Variants in JMJD1C observed in about 807,000 individuals in gnomAD.
JMJD1C encodes the protein jumonji domain containing 1C, also known as jumonji domain-containing protein 1C.
Under a neutral mutation model 245.3 loss-of-function variants are expected in JMJD1C, and 31 were observed. The ratio of observed to expected loss-of-function variants is 0.13; its 90% confidence interval spans 0.09 to 0.17. The LOEUF (loss-of-function observed/expected upper bound fraction) is 0.17. JMJD1C is among the 10% of genes least tolerant of loss of function. JMJD1C has a pLI of 1.00. For missense variants in JMJD1C, 2,691 were observed against 3,000.2 expected (o/e 0.90, Z 2.41); for synonymous variants, 1,057 against 1,017.4 (o/e 1.04, Z -0.74).
chr10:63,251,178 A>G (rs1033224958), intron 3 of JMJD1C, among the ~76,000 whole-genome samples: 1 of 152,232 alleles, frequency 6.6e-6, no homozygotes, highest in Non-Finnish European at 1.5e-5. Context: ...CATCCTTGTT[A>G]TACAGAATTC....
At chr10:63,227,456 A>T (rs943066979) in intron 3 of JMJD1C, among the ~76,000 whole-genome samples, 5 of 152,350 alleles carry the variant, frequency 3.3e-5, no homozygotes, top group South Asian at 4.1e-4. Flanking sequence ...GTCTCAACTG[A>T]TGTCTAGAGT....
chr10:63,502,688 C>G (rs1954598423), intron 1 of JMJD1C, among the ~76,000 whole-genome samples: 1 of 149,504 alleles, frequency 6.7e-6, no homozygotes, highest in Non-Finnish European at 1.5e-5. Context: ...TTCAACTCTC[C>G]TTCCACCCAC....
intron 2 of JMJD1C, among the ~76,000 whole-genome samples, chr10:63,278,454 G>A (rs1207445223): frequency 1.3e-5 from 2 of 151,688 alleles, no homozygotes; most frequent in Admixed American, 6.6e-5. Flanking sequence ...AACCCAGGAG[G>A]CAAAGGCTGC....
At chr10:63,359,726 A>C (rs1945163427) in intron 2 of JMJD1C, among the ~76,000 whole-genome samples, 1 of 152,188 alleles carries the variant, frequency 6.6e-6, no homozygotes, top group Admixed American at 6.5e-5. Flanking sequence ...CAGAGTTACT[A>C]ATGTCACAGA....
intron 2 of JMJD1C, among the ~76,000 whole-genome samples, chr10:63,342,148 G>A (rs1043507596): frequency 1.3e-5 from 2 of 152,234 alleles, no homozygotes; most frequent in Admixed American, 6.5e-5. Flanking sequence ...CTTTGACACT[G>A]ATAATGATAT....
chr10:63,478,153 G>A (rs951009889), intron 1 of JMJD1C, among the ~76,000 whole-genome samples: 11 of 151,920 alleles, frequency 7.2e-5, no homozygotes, highest in African/African-American at 2.7e-4. Flanking sequence ...ACCCAGTAAA[G>A]GAAGATGAGG....
chr10:63,517,323 A>C (rs4745729), intron 1 of JMJD1C, among the ~76,000 whole-genome samples: 1 of 152,140 alleles, frequency 6.6e-6, no homozygotes. Flanking sequence ...ATCTCCTAGG[A>C]AAACTAATAT....
At chr10:63,315,502 C>T (rs1271294377) in intron 2 of JMJD1C, among the ~76,000 whole-genome samples, 1 of 152,088 alleles carries the variant, frequency 6.6e-6, no homozygotes, top group Non-Finnish European at 1.5e-5. Context: ...TTTTTATTTG[C>T]CTGGAAGTTT....
intron 2 of JMJD1C, among the ~76,000 whole-genome samples, chr10:63,316,613 A>T (rs185656250): frequency 6.6e-6 from 1 of 151,974 alleles, no homozygotes; most frequent in Non-Finnish European, 1.5e-5. Flanking sequence ...ATGCCCAGTT[A>T]ATTTTTTTAT....
chr10:63,460,707 T>G (rs1025158143), intron 1 of JMJD1C, among the ~76,000 whole-genome samples: 1 of 152,186 alleles, frequency 6.6e-6, no homozygotes, highest in Non-Finnish European at 1.5e-5. Flanking sequence ...TGTATATAAT[T>G]TGAAATTGTC....
intron 1 of JMJD1C, among the ~76,000 whole-genome samples, chr10:63,497,017 T>C (rs938908014): frequency 6.6e-6 from 1 of 152,228 alleles, no homozygotes; most frequent in Non-Finnish European, 1.5e-5. Flanking sequence ...TTTGTTATTG[T>C]ACATGTTATC....
chr10:63,218,775 GCAA>G (rs1848273499), intron 4 of JMJD1C, among the ~76,000 whole-genome samples: 1 of 152,118 alleles, frequency 6.6e-6, no homozygotes, highest in African/African-American at 2.4e-5. Context: ...GAAAAAAAGA[GCAA>G]CAATGGGGAT....
At chr10:63,186,159 AT>A (rs1844105054) in intron 19 of JMJD1C, 55 bp downstream of exon 19, 2 of 1,302,234 alleles carry the variant, frequency 1.5e-6, no homozygotes, top group African/African-American at 3.0e-5. Flanking sequence ...TACATTTGGA[AT>A]TTATCATTTT....
intron 3 of JMJD1C, among the ~76,000 whole-genome samples, chr10:63,251,638 C>G (rs1564684894): frequency 6.6e-6 from 1 of 152,184 alleles, no homozygotes; most frequent in South Asian, 2.1e-4. Flanking sequence ...TATAACCATT[C>G]AGAAAGGAAA....
At chr10:63,184,840 C>CTTATGGAAAGGTAGT in intron 20 of JMJD1C, 102 bp from the exon 21 acceptor site, 4 of 1,070,558 alleles carry the variant, frequency 3.7e-6, no homozygotes, top group Non-Finnish European at 5.3e-6. Flanking sequence ...GACTACCTTT[C>CTTATGGAAAGGTAGT]CATAAGACAG....
chr10:63,262,345 A>G (rs1394976183), intron 3 of JMJD1C, among the ~76,000 whole-genome samples: 1 of 152,182 alleles, frequency 6.6e-6, no homozygotes, highest in Non-Finnish European at 1.5e-5. Flanking sequence ...ATTTAAATAA[A>G]TAAATTTAAC....
At chr10:63,348,898 TG>T (rs1247297919) in intron 2 of JMJD1C, among the ~76,000 whole-genome samples, 2 of 151,790 alleles carry the variant, frequency 1.3e-5, no homozygotes, top group Non-Finnish European at 2.9e-5. Context: ...GTCAGGAGTT[TG>T]GGATCAGCCT....
chr10:63,472,945 C>T (rs1325067565), intron 1 of JMJD1C, among the ~76,000 whole-genome samples: 1 of 151,600 alleles, frequency 6.6e-6, no homozygotes, highest in Non-Finnish European at 1.5e-5. Flanking sequence ...CCACCACGCC[C>T]AGCTAATTTT....
chr10:63,181,496 G>GA (rs1267401599), intron 22 of JMJD1C, among the ~76,000 whole-genome samples: 16 of 152,022 alleles, frequency 1.1e-4, no homozygotes, highest in Non-Finnish European at 7.4e-5. Flanking sequence ...GGCAGATGGA[G>GA]AAAAAAATCA....
Sources: allele counts gnomAD v4.1 joint callset (sites outside exome capture counted in the v4.1 genomes callset), GRCh38; gene constraint gnomAD v4.1.1; transcripts MANE v1.5; gene names NCBI Gene and HGNC (gene_info 2026-07-23, HGNC 2026-07-21).